KDELR2: variants seen among roughly 807,000 people sequenced by gnomAD.
The protein encoded by KDELR2 is KDEL endoplasmic reticulum protein retention receptor 2, also known as ER lumen protein-retaining receptor 2.
Under a neutral mutation model 23.9 loss-of-function variants are expected in KDELR2, and 15 were observed. That is an observed-to-expected ratio of 0.63 (90% CI 0.42 to 0.97). The LOEUF is 0.97. Among genes scored for constraint, KDELR2 ranks in the 50% least tolerant of loss-of-function variants. KDELR2 has a pLI of 0.00. For synonymous variants in KDELR2, 119 were observed against 106.2 expected (o/e 1.12, Z -0.74); for missense variants, 272 against 254.6 (o/e 1.07, Z -0.46).
chr7:6,471,432 G>A (rs1024410783), intron 2 of KDELR2, among the ~76,000 whole-genome samples: 7 of 151,974 alleles, frequency 4.6e-5, no homozygotes, highest in Non-Finnish European at 7.4e-5. Flanking sequence ...TGCCTGCCTC[G>A]GCTTCCCAAA....
chr7:6,472,901 T>C (rs985031902), intron 2 of KDELR2, among the ~76,000 whole-genome samples: 6 of 147,446 alleles, frequency 4.1e-5, no homozygotes, highest in African/African-American at 1.5e-4. Context: ...CCTGTTCTTT[T>C]TTTTTTTTTT....
At chr7:6,468,813 A>G (rs1357681712) in intron 3 of KDELR2, among the ~76,000 whole-genome samples, 1 of 149,382 alleles carries the variant, frequency 6.7e-6, no homozygotes, top group Admixed American at 6.7e-5. Flanking sequence ...CAGTTTTTGT[A>G]TTTCTAATAG....
rs769600577 is a variant in KDELR2 at position 6,469,552 on chromosome 7, G to T, written c.351+44C>A. The T allele has an allele frequency of 3.2e-6, 5 of 1,587,100 alleles. No homozygotes were observed. In the East Asian group the frequency reaches 9.0e-5, roughly 28 times the overall value. On this transcript the variant is annotated intron_variant, in intron 3 of 4. Coordinates refer to ENST00000258739, the MANE Select transcript of KDELR2 (RefSeq NM_006854.4). ...GCCTCCCAAAATGCTGGGATTACAG[G>T]CATGAGCCACCATGCCTGGCCCTAA...
chr7:6,473,946 C>A (rs1217807395), intron 2 of KDELR2: 4 of 336,760 alleles, frequency 1.2e-5, no homozygotes, highest in Admixed American at 9.2e-5. Context: ...TAAAAAAGTT[C>A]TAACTTCAAA....
chr7:6,480,202 C>T (rs79387929), intron 1 of KDELR2, among the ~76,000 whole-genome samples: 4,100 of 152,250 alleles, frequency 0.027, 202 homozygotes, highest in African/African-American at 0.093. Context: ...TAACTAGCTA[C>T]AGTAATACAC....
intron 1 of KDELR2, among the ~76,000 whole-genome samples, chr7:6,476,924 T>C (rs1685387642): frequency 6.6e-6 from 1 of 152,224 alleles, no homozygotes; most frequent in African/African-American, 2.4e-5. Flanking sequence ...TATTCCATCT[T>C]GTATTCCCTG....
Position 6,474,043 on chromosome 7 carries a change from GAAAGTTTT to G in KDELR2, c.192+133_192+140del. ...CCCAGTTATATATACAAGGTGGTCT[GAAAGTTTT>G]AAAGTCAAGAACAGCATATTAAGAC... On this transcript the variant is annotated intron_variant, in intron 2 of 4. Coordinates refer to ENST00000258739, the MANE Select transcript of KDELR2 (RefSeq NM_006854.4). The G allele has an allele frequency of 5.2e-6, 3 of 578,086 alleles. No homozygotes were observed. The South Asian group carries it at 7.4e-5, about 14-fold the overall frequency. The allele number at this position is 578,086 out of a possible 1,614,324, so 35.8% of individuals were successfully genotyped here.
At chr7:6,476,081 A>G (rs1168666813) in intron 1 of KDELR2, among the ~76,000 whole-genome samples, 2 of 152,172 alleles carry the variant, frequency 1.3e-5, no homozygotes, top group African/African-American at 4.8e-5. Context: ...CACCTGGCTA[A>G]TATTTGTATT....
chr7:6,480,238 T>G (rs192449015), intron 1 of KDELR2, among the ~76,000 whole-genome samples: 5 of 152,322 alleles, frequency 3.3e-5, no homozygotes, highest in South Asian at 4.1e-4. Context: ...AGCACTACAG[T>G]AGATACAGCA....
intron 1 of KDELR2, among the ~76,000 whole-genome samples, chr7:6,479,913 A>G (rs1307864118): frequency 6.6e-6 from 1 of 152,252 alleles, no homozygotes; most frequent in Non-Finnish European, 1.5e-5. Context: ...CCAAACAGCT[A>G]CAGAGGGAGC....
At position 6,466,067 on chromosome 7, in the gene KDELR2, A is replaced by G; in HGVS notation, c.604+4T>C. On this transcript the variant is annotated splice_donor_region_variant and intron_variant, in intron 4 of 4. Transcript: ENST00000258739. ...AGAAACAACGCAGGTCGCACCCAAC[A>G]TACCTTTTGTAATGTACAAGTAGAA... 1 of 1,613,778 alleles carries G rather than the reference A, an allele frequency of 6.2e-7. No individual in the cohort carries two copies. The highest frequency in any genetic ancestry group is 8.5e-7 in the Non-Finnish European group (1 of 1,179,786).
In KDELR2 at chr7:6,474,219, T is replaced by A. The variant is rs781192386; in HGVS notation, c.157A>T (p.Thr53Ser). 1 of 1,613,556 alleles carries A rather than the reference T, an allele frequency of 6.2e-7. No homozygotes were observed. The highest frequency in any genetic ancestry group is 8.5e-7 in the Non-Finnish European group (1 of 1,179,552). Residue 53 changes from threonine (T) to serine (S), a missense_variant, in exon 2 of 5, where the codon ACT becomes TCT. By Grantham distance (58) the Thr-to-Ser change is moderately conservative (BLOSUM62 1). Coordinates refer to ENST00000258739, the MANE Select transcript of KDELR2 (RefSeq NM_006854.4). ...VFTTRYLDLFTSFISLYNTSM... is the reference protein window; with the variant it reads ...VFTTRYLDLFSSFISLYNTSM... The stretch of plus-strand genomic sequence containing the variant: ...GTGTTATACAATGAAATAAATGAAG[T>A]AAAAAGATCCAGGTAACGAGTTGTG...
chr7:6,463,765 A>C (rs921287920), intron 4 of KDELR2, among the ~76,000 whole-genome samples: 12 of 151,624 alleles, frequency 7.9e-5, no homozygotes, highest in South Asian at 2.1e-4. Flanking sequence ...AAAAAAAAAA[A>C]AAACACAAAG....
chr7:6,467,433 A>G (rs1785525854), intron 3 of KDELR2, among the ~76,000 whole-genome samples: 1 of 152,190 alleles, frequency 6.6e-6, no homozygotes. Flanking sequence ...CGATGATGAT[A>G]GAAGGACTTT....
chr7:6,478,165 T>C (rs1785795019), intron 1 of KDELR2, among the ~76,000 whole-genome samples: 1 of 150,594 alleles, frequency 6.6e-6, no homozygotes, highest in African/African-American at 2.4e-5. Context: ...GCCCCCCGGT[T>C]TTTTTTTTGA....
chr7:6,474,352 G>C, intron 1 of KDELR2, 68 bp from the exon 2 acceptor site: 2 of 1,058,204 alleles, frequency 1.9e-6, no homozygotes, highest in Non-Finnish European at 2.9e-6. Flanking sequence ...ATCACACTGT[G>C]CAGGGAGTGC....
chr7:6,481,250 T>G (rs1785883568), intron 1 of KDELR2, among the ~76,000 whole-genome samples: 1 of 150,730 alleles, frequency 6.6e-6, no homozygotes, highest in South Asian at 2.1e-4. Context: ...GCGCCTGTAG[T>G]CCCAGCTAAT....
At chr7:6,479,327 G>A (rs1463477510) in intron 1 of KDELR2, among the ~76,000 whole-genome samples, 1 of 151,162 alleles carries the variant, frequency 6.6e-6, no homozygotes, top group Non-Finnish European at 1.5e-5. Context: ...GCTAACTTTT[G>A]TATTTTTGGT....
Position 6,462,800 on chromosome 7 carries a change from G to C in KDELR2, c.*341C>G, listed in dbSNP as rs1012242376. 1 of 548,374 alleles carries C rather than the reference G, an allele frequency of 1.8e-6. No individual in the cohort carries two copies. Among genetic ancestry groups the C allele is most frequent in the Admixed American group, 3.7e-5 (1 of 27,148 alleles). The allele number at this position is 548,374 out of a possible 1,614,324, so 34.0% of individuals were successfully genotyped here. On this transcript the variant is annotated 3_prime_UTR_variant, in exon 5 of 5. Coordinates refer to ENST00000258739, the MANE Select transcript of KDELR2 (RefSeq NM_006854.4). Reference sequence around the variant, plus strand: ...GACACAAAGACTTAAGAGTTTCAAAGAATTTTTTAAAATAAAAAAAAAATT... The same window carrying C: ...GACACAAAGACTTAAGAGTTTCAAACAATTTTTTAAAATAAAAAAAAAATT...
Sources: allele counts gnomAD v4.1 joint callset (sites outside exome capture counted in the v4.1 genomes callset), GRCh38; gene constraint gnomAD v4.1.1; transcripts MANE v1.5; gene names NCBI Gene and HGNC (gene_info 2026-07-23, HGNC 2026-07-21).